Variants in MFGE8 observed in about 807,000 individuals in gnomAD.
The protein encoded by MFGE8 is milk fat globule EGF and factor V/VIII domain containing, also known as lactadherin.
MFGE8 carries 34 observed loss-of-function variants against 42.6 expected under a neutral mutation model. The ratio of observed to expected loss-of-function variants is 0.80; its 90% CI spans 0.61 to 1.06. The LOEUF (loss-of-function observed/expected upper bound fraction) is 1.06, where lower values mean the gene tolerates loss of function less well. Ranked by LOEUF, MFGE8 falls within the 50% of genes least tolerant of loss-of-function variation. The probability of loss-of-function intolerance (pLI) is 0.00; values close to 1 mark genes in which losing one functional copy is unlikely to be tolerated. For missense variants in MFGE8, 510 were observed against 516.9 expected, an observed-to-expected ratio of 0.99 and a Z score of 0.13; for synonymous variants, 230 against 214.8, an observed-to-expected ratio of 1.07 and a Z score of -0.62.
chr15:88,912,097 A>C lies in MFGE8; in HGVS notation c.73+1150T>G, dbSNP rs993979609. 4 of 1,288,140 alleles carry C rather than the reference A, an allele frequency of 3.1e-6. No individual in the cohort carries two copies. In the African/African-American group the frequency reaches 6.1e-5, roughly 20 times the overall value. 79.8% of individuals were successfully genotyped at this position (1,288,140 alleles called of 1,614,324 possible). A position where few individuals can be genotyped will look rare whatever the true frequency, so the allele number is the denominator to read the frequency against. On this transcript the variant is annotated intron_variant, in intron 1 of 7. Coordinates refer to ENST00000268150, the MANE Select transcript of MFGE8 (RefSeq NM_005928.4). ...GTCCAGTGGGAAAAAGGGAAAGGGA[A>C]AGGTGTACTCTACCCAGCCACGTTA...
At chr15:88,908,732 C>A (rs754119678) in intron 2 of MFGE8, among the ~76,000 whole-genome samples, 1 of 152,174 alleles carries the variant, frequency 6.6e-6, no homozygotes, top group Non-Finnish European at 1.5e-5. Context: ...GCAACCCGTC[C>A]GCCAAACCAT....
At chr15:88,912,001 C>T in intron 1 of MFGE8, 1 of 691,432 alleles carries the variant, frequency 1.4e-6, no homozygotes, top group Non-Finnish European at 2.2e-6. Flanking sequence ...CAGACAGAGG[C>T]TTGGGTTGGG....
chr15:88,907,186 C>T lies in MFGE8; in HGVS notation c.387+9G>A. 1 of 1,611,700 alleles carries T rather than the reference C, an allele frequency of 6.2e-7. No individual in the cohort carries two copies. Among genetic ancestry groups the T allele is most frequent in the Non-Finnish European group, 8.5e-7 (1 of 1,178,932 alleles). On this transcript the variant is annotated intron_variant, in intron 3 of 7. Transcript: ENST00000268150. ...CATTGCCCCGCCCCAGGGCCATCCC[C>T]AGGCATACCTGGATCCAGGGGTTAT...
intron 6 of MFGE8, chr15:88,900,619 A>G: frequency 1.4e-6 from 1 of 727,428 alleles, no homozygotes; most frequent in Non-Finnish European, 1.7e-6. Flanking sequence ...GCACCTGGAC[A>G]CACAGTTCCC....
rs939545791 is a variant in MFGE8, at chr15:88,899,960, G to A, written c.871-149C>T. 21 of 913,806 alleles carry A rather than the reference G, an allele frequency of 2.3e-5. No individual in the cohort carries two copies. The East Asian group carries it at 3.2e-4, about 14-fold the overall frequency. 56.6% of individuals were successfully genotyped at this position (913,806 alleles called of 1,614,324 possible). A position where few individuals can be genotyped will look rare whatever the true frequency, so the allele number is the denominator to read the frequency against. On this transcript the variant is annotated intron_variant, in intron 6 of 7. Coordinates refer to ENST00000268150, the MANE Select transcript of MFGE8 (RefSeq NM_005928.4). The surrounding 1 kb of genome is among the most constrained non-coding windows in gnomAD (Gnocchi z 6.8). ...TTGGCTATAAAATGGGCATAAGGCC[G>A]GACATGGTGTCTCATGCCTATAATC...
intron 1 of MFGE8, among the ~76,000 whole-genome samples, chr15:88,911,716 G>C (rs1311234504): frequency 2.7e-5 from 4 of 149,602 alleles, no homozygotes; most frequent in Admixed American, 2.0e-4. Flanking sequence ...GACACAGCAA[G>C]ATTCCATCTC....
chr15:88,901,775 C>T (rs770820222), intron 5 of MFGE8, 40 bp from the exon 6 acceptor site: 1 of 1,590,490 alleles, frequency 6.3e-7, no homozygotes, highest in African/African-American at 1.3e-5. Context: ...CTGGGATCCA[C>T]AGCTCCCAGG....
At position 88,906,909 on chromosome 15, in the gene MFGE8, G is replaced by A. The variant is rs564337809; in HGVS notation, c.388-131C>T. Reference sequence around the variant, plus strand: ...CAAGCAAAACAGAGGAGGGGTAGCTGAGCACACTGCCCGCACAAAGGGCTT... The same window carrying A: ...CAAGCAAAACAGAGGAGGGGTAGCTAAGCACACTGCCCGCACAAAGGGCTT... On this transcript the variant is annotated intron_variant, in intron 3 of 7. Coordinates refer to ENST00000268150, the MANE Select transcript of MFGE8 (RefSeq NM_005928.4). This position sits in a 1 kb window ranked among gnomAD's most constrained non-coding sequence, Gnocchi z 4.2. The A allele has an allele frequency of 7.0e-5, 82 of 1,174,818 alleles. No individual in the cohort carries two copies. In the East Asian group the frequency reaches 2.0e-3, roughly 29 times the overall value. The allele number at this position is 1,174,818 out of a possible 1,614,324, so 72.8% of individuals were successfully genotyped here.
At position 88,906,906 on chromosome 15, in the gene MFGE8, G is replaced by A; in HGVS notation, c.388-128C>T. ...ACTCAAGCAAAACAGAGGAGGGGTA[G>A]CTGAGCACACTGCCCGCACAAAGGG... On this transcript the variant is annotated intron_variant, in intron 3 of 7. Transcript: ENST00000268150. This position sits in a 1 kb window ranked among gnomAD's most constrained non-coding sequence, Gnocchi z 4.2. 8.2e-7 allele frequency: 1 copy of A among 1,213,528 alleles called. No individual in the cohort carries two copies. The highest frequency in any genetic ancestry group is 1.3e-5 in the South Asian group (1 of 78,962). 75.2% of individuals were successfully genotyped at this position (1,213,528 alleles called of 1,614,324 possible).
Position 88,899,561 on chromosome 15 carries a change from C to T in MFGE8, c.1027-29G>A. The T allele has an allele frequency of 6.2e-7, 1 of 1,614,126 alleles. No individual in the cohort carries two copies. Among genetic ancestry groups the T allele is most frequent in the Non-Finnish European group, 8.5e-7 (1 of 1,180,010 alleles). ...GAGGCAGAGCGGGTGTCAGGAGGACCCCGAGCCAGCCCCCCTCCCCTCAGA... is the reference window on the plus strand; with the variant it reads ...GAGGCAGAGCGGGTGTCAGGAGGACTCCGAGCCAGCCCCCCTCCCCTCAGA... On this transcript the variant is annotated intron_variant, in intron 7 of 7. Coordinates refer to ENST00000268150, the MANE Select transcript of MFGE8 (RefSeq NM_005928.4). This position sits in a 1 kb window ranked among gnomAD's most constrained non-coding sequence, Gnocchi z 6.8.
intron 2 of MFGE8, among the ~76,000 whole-genome samples, chr15:88,908,271 GGC>G (rs1277393462): frequency 2.6e-5 from 4 of 152,140 alleles, no homozygotes; most frequent in Non-Finnish European, 4.4e-5. Context: ...CAACATCACA[GGC>G]GCGGACGAGC....
chr15:88,910,704 T>C (rs930900259), intron 1 of MFGE8: 1 of 153,900 alleles, frequency 6.5e-6, no homozygotes, highest in South Asian at 2.1e-4. Context: ...GACTGGGCAA[T>C]GAGTAAAGAA....
chr15:88,903,936 C>T lies in MFGE8; in HGVS notation c.685+1821G>A, dbSNP rs1898549281. 6.6e-6 allele frequency: 1 copy of T among 152,306 alleles called. No individual in the cohort carries two copies. Among genetic ancestry groups the T allele is most frequent in the South Asian group, 2.1e-4 (1 of 4,836 alleles). 9.4% of individuals were successfully genotyped at this position (152,306 alleles called of 1,614,324 possible). On this transcript the variant is annotated intron_variant, in intron 5 of 7. Coordinates refer to ENST00000268150, the MANE Select transcript of MFGE8 (RefSeq NM_005928.4). This position sits in a 1 kb window ranked among gnomAD's most constrained non-coding sequence, Gnocchi z 4.9. ...ACATGCCCCAGGGCCTTTGCATTTACCAATTCCTTGCCTGCAGTGCTCTTT... is the reference window on the plus strand; with the variant it reads ...ACATGCCCCAGGGCCTTTGCATTTATCAATTCCTTGCCTGCAGTGCTCTTT...
Position 88,902,151 on chromosome 15 carries a change from C to CGA in MFGE8, c.686-417_686-416insTC. The CGA allele has an allele frequency of 4.2e-6, 1 of 236,138 alleles. No individual in the cohort carries two copies. Among genetic ancestry groups the CGA allele is most frequent in the Non-Finnish European group, 8.6e-6 (1 of 116,888 alleles). 14.6% of individuals were successfully genotyped at this position (236,138 alleles called of 1,614,324 possible). ...AGCACTGCCCCCATCGCCTCGGCCT[C>CGA]CCATCCGTCCCATGGCACAGTCACT... On this transcript the variant is annotated intron_variant, in intron 5 of 7. Transcript: ENST00000268150. This position sits in a 1 kb window ranked among gnomAD's most constrained non-coding sequence, Gnocchi z 4.3.
chr15:88,906,408 C>A lies in MFGE8; in HGVS notation c.540+218G>T. Reference sequence around the variant, plus strand: ...AACAGGTCACTGTGCCATTTTGAATCTCACTAGTCTCATCTCTAAAGTGGG... The same window carrying A: ...AACAGGTCACTGTGCCATTTTGAATATCACTAGTCTCATCTCTAAAGTGGG... On this transcript the variant is annotated intron_variant, in intron 4 of 7. Coordinates refer to ENST00000268150, the MANE Select transcript of MFGE8 (RefSeq NM_005928.4). This position sits in a 1 kb window ranked among gnomAD's most constrained non-coding sequence, Gnocchi z 4.2. 1.7e-6 allele frequency: 1 copy of A among 573,362 alleles called. No homozygotes were observed. The highest frequency in any genetic ancestry group is 3.2e-6 in the Non-Finnish European group (1 of 317,110). The allele number at this position is 573,362 out of a possible 1,614,324, so 35.5% of individuals were successfully genotyped here. A position where few individuals can be genotyped will look rare whatever the true frequency, so the allele number is the denominator to read the frequency against.
chr15:88,902,141 G>A lies in MFGE8; in HGVS notation c.686-406C>T, dbSNP rs921691087. On this transcript the variant is annotated intron_variant, in intron 5 of 7. Transcript: ENST00000268150. The surrounding 1 kb of genome is among the most constrained non-coding windows in gnomAD (Gnocchi z 4.3). Reference sequence around the variant, plus strand: ...CTGGACTCACAGCACTGCCCCCATCGCCTCGGCCTCCCATCCGTCCCATGG... The same window carrying A: ...CTGGACTCACAGCACTGCCCCCATCACCTCGGCCTCCCATCCGTCCCATGG... 31 of 243,338 alleles carry A rather than the reference G, an allele frequency of 1.3e-4. No individual in the cohort carries two copies. The highest frequency in any genetic ancestry group is 6.2e-4 in the African/African-American group (28 of 45,186). 15.1% of individuals were successfully genotyped at this position (243,338 alleles called of 1,614,324 possible). A position where few individuals can be genotyped will look rare whatever the true frequency, so the allele number is the denominator to read the frequency against.
intron 1 of MFGE8, chr15:88,910,927 A>C (rs1441821837): frequency 6.6e-6 from 1 of 152,232 alleles, no homozygotes; most frequent in Non-Finnish European, 1.5e-5. Flanking sequence ...AAAAAACAAG[A>C]AACAAGAAAC....
intron 1 of MFGE8, chr15:88,912,852 C>T (rs1216822137): frequency 1.0e-6 from 1 of 985,326 alleles, no homozygotes; most frequent in East Asian, 1.1e-4. Context: ...CAAAGTTATC[C>T]AGACAAGACT....
chr15:88,906,375 T>C lies in MFGE8; in HGVS notation c.540+251A>G. The C allele has an allele frequency of 1.9e-6, 1 of 520,514 alleles. No individual in the cohort carries two copies. Among genetic ancestry groups the C allele is most frequent in the East Asian group, 3.7e-5 (1 of 26,938 alleles). 32.2% of individuals were successfully genotyped at this position (520,514 alleles called of 1,614,324 possible). ...ATGAAACCCAGCTCCACCACCACTATCACCCTCAACAGGTCACTGTGCCAT... is the reference window on the plus strand; with the variant it reads ...ATGAAACCCAGCTCCACCACCACTACCACCCTCAACAGGTCACTGTGCCAT... On this transcript the variant is annotated intron_variant, in intron 4 of 7. Transcript: ENST00000268150. The surrounding 1 kb of genome is among the most constrained non-coding windows in gnomAD (Gnocchi z 4.2).
Sources: allele counts gnomAD v4.1 joint callset (sites outside exome capture counted in the v4.1 genomes callset), GRCh38; gene constraint gnomAD v4.1.1; non-coding constraint Gnocchi (gnomAD v3.1); transcripts MANE v1.5; gene names NCBI Gene and HGNC (gene_info 2026-07-23, HGNC 2026-07-21).